The following ARHGEF26 variants were observed in gnomAD, a reference collection of about 807,000 sequenced individuals.
The protein encoded by ARHGEF26 is Rho guanine nucleotide exchange factor (GEF) 26.
A neutral mutation model predicts 89.4 loss-of-function variants in ARHGEF26; 59 were observed. The ratio of observed to expected loss-of-function variants is 0.66; its 90% CI spans 0.54 to 0.82. The LOEUF (loss-of-function observed/expected upper bound fraction) is 0.82. ARHGEF26 is among the 40% of genes least tolerant of loss of function. ARHGEF26 has a pLI of 0.00. For synonymous variants in ARHGEF26, 500 were observed against 428.4 expected, an observed-to-expected ratio of 1.17 and a Z score of -2.06; for missense variants, 1,234 against 1,085.6, an observed-to-expected ratio of 1.14 and a Z score of -1.92.
intron 4 of ARHGEF26, among the ~76,000 whole-genome samples, chr3:154,140,308 A>C (rs987552260): frequency 2.0e-5 from 3 of 152,166 alleles, no homozygotes; most frequent in African/African-American, 7.2e-5. Flanking sequence ...CAAATTCTTT[A>C]CTTTGTAACA....
chr3:154,239,149 A>G (rs1258445143), intron 11 of ARHGEF26, among the ~76,000 whole-genome samples: 1 of 152,016 alleles, frequency 6.6e-6, no homozygotes, highest in East Asian at 1.9e-4. Flanking sequence ...AGATCATCGG[A>G]GGAGAGTAAA....
chr3:154,123,190 G>C, intron 2 of ARHGEF26, 115 bp downstream of exon 2: 1 of 1,452,036 alleles, frequency 6.9e-7, no homozygotes, highest in Non-Finnish European at 9.3e-7. Flanking sequence ...TTAATTCTGT[G>C]TTTTGCTCTT....
At chr3:154,213,890 G>A (rs905819516) in intron 9 of ARHGEF26, among the ~76,000 whole-genome samples, 1 of 152,158 alleles carries the variant, frequency 6.6e-6, no homozygotes, top group African/African-American at 2.4e-5. Flanking sequence ...CCCATTGGGC[G>A]TTAGGTGCTA....
chr3:154,191,492 A>G (rs780128053), intron 8 of ARHGEF26, 74 bp downstream of exon 8: 4 of 1,512,486 alleles, frequency 2.6e-6, no homozygotes, highest in African/African-American at 1.4e-5. Flanking sequence ...AATTATTATT[A>G]TTCCACTTAA....
chr3:154,124,372 C>CTTTTTTTTTTTTTTTTTTTTTCT, intron 2 of ARHGEF26, 38 bp from the exon 3 acceptor site: 1 of 1,007,768 alleles, frequency 9.9e-7, no homozygotes, highest in South Asian at 1.9e-5. Flanking sequence ...TTTGCTTTTC[C>CTTTTTTTTTTTTTTTTTTTTTCT]TTTTTTTTTT....
chr3:154,232,919 C>T (rs1290209521), intron 11 of ARHGEF26, among the ~76,000 whole-genome samples: 8 of 151,960 alleles, frequency 5.3e-5, no homozygotes, highest in African/African-American at 1.9e-4. Context: ...CCTCCAACTC[C>T]TGGGTTCAAG....
Position 154,122,915 on chromosome 3 carries a change from T to A in ARHGEF26, c.923T>A (p.Leu308Gln), listed in dbSNP as rs1718079711. 6.2e-7 allele frequency: 1 copy of A among 1,613,414 alleles called. No individual in the cohort carries two copies. The highest frequency in any genetic ancestry group is 8.5e-7 in the Non-Finnish European group (1 of 1,179,728). ...AACGACGTGGATAGCCCAGGGTCTC[T>A]GCGGAGAGGCTTGCGGTCCACGTCT... is the stretch of plus-strand genomic sequence containing the variant. Reference protein sequence around the residue: ...VDNDVDSPGSLRRGLRSTSYR... With the variant: ...VDNDVDSPGSQRRGLRSTSYR... The change falls in exon 2 of 15, where the codon CTG (leucine) becomes CAG (glutamine). Residue 308 changes from leucine (L) to glutamine (Q), a missense_variant. By Grantham distance (113) the Leu-to-Gln change is moderately radical. Coordinates refer to ENST00000465093, the MANE Select transcript of ARHGEF26 (RefSeq NM_015595.4).
chr3:154,230,856 A>T (rs1716785104), intron 11 of ARHGEF26, among the ~76,000 whole-genome samples: 1 of 152,180 alleles, frequency 6.6e-6, no homozygotes, highest in Non-Finnish European at 1.5e-5. Context: ...TCATTATCAT[A>T]AGGTCAAGGA....
intron 4 of ARHGEF26, among the ~76,000 whole-genome samples, chr3:154,140,059 T>C (rs547480954): frequency 6.6e-6 from 1 of 151,778 alleles, no homozygotes; most frequent in Non-Finnish European, 1.5e-5. Flanking sequence ...GGAGTCTGAT[T>C]GTTGTGTGCC....
chr3:154,253,284 TAA>T, intron 13 of ARHGEF26, 101 bp downstream of exon 13: 2 of 1,355,884 alleles, frequency 1.5e-6, no homozygotes, highest in Non-Finnish European at 2.1e-6. Context: ...AATACTTGCC[TAA>T]GTTTCCTCCA....
At chr3:154,128,382 G>A (rs1356007141) in intron 3 of ARHGEF26, among the ~76,000 whole-genome samples, 2 of 151,898 alleles carry the variant, frequency 1.3e-5, no homozygotes, top group Non-Finnish European at 2.9e-5. Flanking sequence ...GGACCACAGG[G>A]GTGCACCACC....
At chr3:154,238,594 G>A (rs1296168308) in intron 11 of ARHGEF26, among the ~76,000 whole-genome samples, 1 of 152,128 alleles carries the variant, frequency 6.6e-6, no homozygotes, top group Non-Finnish European at 1.5e-5. Flanking sequence ...CTAGGCACAA[G>A]GAGTTTTCTT....
intron 11 of ARHGEF26, among the ~76,000 whole-genome samples, chr3:154,231,544 T>A (rs1014944081): frequency 1.3e-5 from 2 of 151,804 alleles, no homozygotes; most frequent in Non-Finnish European, 2.9e-5. Flanking sequence ...ATAGTCCTGC[T>A]AAGTAACTGA....
chr3:154,255,298 G>C, intron 14 of ARHGEF26, 33 bp from the exon 15 acceptor site: 2 of 1,597,288 alleles, frequency 1.3e-6, no homozygotes, highest in Non-Finnish European at 1.7e-6. Flanking sequence ...CCAAATACTT[G>C]TTGTTTGGTG....
chr3:154,148,676 C>T (rs1359424197), intron 4 of ARHGEF26, among the ~76,000 whole-genome samples: 1 of 152,136 alleles, frequency 6.6e-6, no homozygotes, highest in Non-Finnish European at 1.5e-5. Context: ...ATCCATCTGC[C>T]GGACTTTGGG....
chr3:154,224,819 T>G (rs1716374396), intron 10 of ARHGEF26, among the ~76,000 whole-genome samples: 1 of 152,236 alleles, frequency 6.6e-6, no homozygotes, highest in Non-Finnish European at 1.5e-5. Context: ...ATAAGCAACC[T>G]TCTTATAAAA....
chr3:154,226,697 C>CACACACACACACACACACACA (rs1559912631), intron 11 of ARHGEF26, among the ~76,000 whole-genome samples: 22 of 119,778 alleles, frequency 1.8e-4, no homozygotes, highest in African/African-American at 5.7e-4. Flanking sequence ...ACACACACAC[C>CACACACACACACACACACACA]CCTTCAGCTC....
At chr3:154,202,310 G>C (rs992968094) in intron 9 of ARHGEF26, among the ~76,000 whole-genome samples, 1 of 152,168 alleles carries the variant, frequency 6.6e-6, no homozygotes, top group East Asian at 1.9e-4. Context: ...AGATCAGATA[G>C]TTGTAGATAT....
chr3:154,209,683 A>G (rs1715243741), intron 9 of ARHGEF26, among the ~76,000 whole-genome samples: 1 of 152,130 alleles, frequency 6.6e-6, no homozygotes, highest in African/African-American at 2.4e-5. Context: ...CCTCACTATG[A>G]TTGCGCCGGG....
Sources: gnomAD v4.1 joint callset for allele counts (sites outside exome capture counted in the v4.1 genomes callset) on GRCh38, gnomAD v4.1.1 for gene constraint, MANE v1.5 for transcripts, NCBI Gene and HGNC (gene_info 2026-07-23, HGNC 2026-07-21) for gene names.